The following KHDRBS2 variants were observed in gnomAD, a reference collection of about 807,000 sequenced individuals.
KHDRBS2 encodes KH domain-containing, RNA-binding, signal transduction-associated protein 2.
A neutral mutation model predicts 44.3 loss-of-function variants in KHDRBS2; 26 were observed. The ratio of observed to expected loss-of-function variants is 0.59; its 90% confidence interval spans 0.43 to 0.81. The LOEUF (loss-of-function observed/expected upper bound fraction) is 0.81, where lower values mean the gene tolerates loss of function less well. Among genes scored for constraint, KHDRBS2 ranks in the 40% least tolerant of loss-of-function variants. KHDRBS2 has a pLI of 0.00. For missense variants in KHDRBS2, 476 were observed against 433.1 expected (o/e 1.10, Z -0.88); for synonymous variants, 194 against 151.1 (o/e 1.28, Z -2.08).
chr6:62,282,396 T>A (rs1841926820), intron 1 of KHDRBS2, among the ~76,000 whole-genome samples: 1 of 152,126 alleles, frequency 6.6e-6, no homozygotes. Context: ...ATATAATGAG[T>A]CAACCAAAAT....
At chr6:62,087,053 C>T (rs996876318) in intron 2 of KHDRBS2, among the ~76,000 whole-genome samples, 5 of 151,866 alleles carry the variant, frequency 3.3e-5, no homozygotes, top group Non-Finnish European at 7.4e-5. Context: ...AAAGAAGGAA[C>T]TATGTAAATT....
chr6:61,576,695 A>G, the KHDRBS2 span, among the ~76,000 whole-genome samples: 2 of 152,176 alleles, frequency 1.3e-5, no homozygotes, highest in East Asian at 1.9e-4. Flanking sequence ...TACATAAACT[A>G]TATGCTTCGA....
chr6:62,004,635 A>T (rs937834420), intron 3 of KHDRBS2, among the ~76,000 whole-genome samples: 1 of 152,194 alleles, frequency 6.6e-6, no homozygotes, highest in Non-Finnish European at 1.5e-5. Context: ...ATAGAAAAAG[A>T]GGGAATCCTC....
intron 1 of KHDRBS2, among the ~76,000 whole-genome samples, chr6:62,237,559 C>A (rs773848095): frequency 6.6e-6 from 1 of 152,120 alleles, no homozygotes; most frequent in Non-Finnish European, 1.5e-5. Flanking sequence ...AATGTCTGAA[C>A]ACTTTAGAAG....
chr6:62,039,030 G>A (rs1785908955), intron 3 of KHDRBS2, among the ~76,000 whole-genome samples: 1 of 151,806 alleles, frequency 6.6e-6, no homozygotes. Flanking sequence ...ATTAATGTGG[G>A]TCTTGGCTTT....
chr6:62,062,012 T>C (rs1356960966), intron 2 of KHDRBS2, among the ~76,000 whole-genome samples: 1 of 151,708 alleles, frequency 6.6e-6, no homozygotes, highest in Admixed American at 6.6e-5. Context: ...CGAGCCTTGG[T>C]TTTCAGCTCC....
chr6:62,190,653 A>G (rs1244620899), intron 1 of KHDRBS2, among the ~76,000 whole-genome samples: 1 of 152,038 alleles, frequency 6.6e-6, no homozygotes, highest in African/African-American at 2.4e-5. Context: ...CTATATTTAC[A>G]TTCTAAAATT....
chr6:61,776,360 C>G (rs1270121597), intron 6 of KHDRBS2, among the ~76,000 whole-genome samples: 4 of 151,912 alleles, frequency 2.6e-5, no homozygotes, highest in Admixed American at 2.6e-4. Context: ...AGGCAACCTA[C>G]AAAATGGGAG....
At chr6:61,612,138 TA>T in the KHDRBS2 span, among the ~76,000 whole-genome samples, 2 of 96,944 alleles carry the variant, frequency 2.1e-5, no homozygotes, top group Admixed American at 1.1e-4. Context: ...ATTTCCTATG[TA>T]ATTTTTTTTC....
chr6:61,650,410 T>TTG, the KHDRBS2 span, among the ~76,000 whole-genome samples: 3 of 7,076 alleles, frequency 4.2e-4, no homozygotes, highest in South Asian at 0.013. Context: ...TAAAAAAATG[T>TTG]TTTTTTTTTT....
At chr6:61,552,387 A>T in the KHDRBS2 span, among the ~76,000 whole-genome samples, 2 of 151,804 alleles carry the variant, frequency 1.3e-5, no homozygotes, top group South Asian at 4.1e-4. Flanking sequence ...TGCTGAAGTT[A>T]TTTATCAGCT....
chr6:61,813,293 G>A lies in KHDRBS2; in HGVS notation c.811-80529C>T, dbSNP rs1453496718. 2.0e-5 allele frequency among the ~76,000 whole-genome samples: 3 copies of A among 152,084 alleles called. No individual in the cohort carries two copies. The South Asian group carries it at 6.2e-4, about 32-fold the overall frequency. On this transcript the variant is annotated intron_variant, in intron 6 of 8. Transcript: ENST00000281156. ...CTGATGGAAGACCATCTTTTTTGCT[G>A]TAATGTGACAATACTGTGTTCAGAA... is the stretch of plus-strand genomic sequence containing the variant.
intron 2 of KHDRBS2, among the ~76,000 whole-genome samples, chr6:62,137,769 C>T (rs534207894): frequency 6.6e-6 from 1 of 152,208 alleles, no homozygotes; most frequent in Admixed American, 6.5e-5. Context: ...ATGTAAAACA[C>T]TGTGAGGACT....
intron 2 of KHDRBS2, among the ~76,000 whole-genome samples, chr6:62,123,132 A>G (rs1808093064): frequency 6.6e-6 from 1 of 152,028 alleles, no homozygotes; most frequent in Non-Finnish European, 1.5e-5. Flanking sequence ...CTCACCTATG[A>G]GTGAGAACAT....
the KHDRBS2 span, among the ~76,000 whole-genome samples, chr6:61,667,803 G>C: frequency 6.6e-6 from 1 of 151,346 alleles, no homozygotes; most frequent in African/African-American, 2.4e-5. Flanking sequence ...TATTTGCAGG[G>C]TGAAGTGTTT....
At chr6:62,233,701 C>CAT (rs777325343) in intron 1 of KHDRBS2, among the ~76,000 whole-genome samples, 1 of 152,084 alleles carries the variant, frequency 6.6e-6, no homozygotes, top group Non-Finnish European at 1.5e-5. Flanking sequence ...CATGTGTTCT[C>CAT]ATCGTTTAGC....
chr6:61,972,966 C>A (rs1186156604), intron 4 of KHDRBS2, among the ~76,000 whole-genome samples: 2 of 152,004 alleles, frequency 1.3e-5, no homozygotes, highest in African/African-American at 4.8e-5. Flanking sequence ...GCCCACATGG[C>A]AAAAGCCCAT....
the KHDRBS2 span, among the ~76,000 whole-genome samples, chr6:61,623,569 A>G: frequency 6.6e-6 from 1 of 152,220 alleles, no homozygotes; most frequent in Non-Finnish European, 1.5e-5. Context: ...CCCAGAAATC[A>G]TAAAGTTGAA....
At chr6:62,012,688 T>G (rs1780522155) in intron 3 of KHDRBS2, among the ~76,000 whole-genome samples, 1 of 152,150 alleles carries the variant, frequency 6.6e-6, no homozygotes, top group Non-Finnish European at 1.5e-5. Context: ...GACCCTCACA[T>G]GGCTGGCTTT....
Sources: gnomAD v4.1 joint callset for allele counts (sites outside exome capture counted in the v4.1 genomes callset) on GRCh38, gnomAD v4.1.1 for gene constraint, MANE v1.5 for transcripts, NCBI Gene and HGNC (gene_info 2026-07-23, HGNC 2026-07-21) for gene names.